CDC42BPA: variants seen among roughly 807,000 people sequenced by gnomAD.
The protein encoded by CDC42BPA is serine/threonine-protein kinase MRCK alpha.
CDC42BPA carries 80 observed loss-of-function variants against 223.5 expected under a neutral mutation model. That is an observed-to-expected ratio of 0.36 (90% CI 0.30 to 0.43). The LOEUF is 0.43. Ranked by LOEUF, CDC42BPA falls within the 20% of genes least tolerant of loss-of-function variation. The pLI, the probability that CDC42BPA is intolerant of heterozygous loss-of-function variation, is 1.00. For synonymous variants in CDC42BPA, 694 were observed against 718.6 expected (o/e 0.97, Z 0.55); for missense variants, 1,743 against 2,099.9 (o/e 0.83, Z 3.32).
chr1:227,102,777 T>G (rs942994674), intron 14 of CDC42BPA, among the ~76,000 whole-genome samples: 5 of 151,748 alleles, frequency 3.3e-5, no homozygotes, highest in Non-Finnish European at 7.4e-5. Context: ...TAATTTAATG[T>G]CAGCAAACTT....
At chr1:227,193,568 A>C (rs1276040465) in intron 5 of CDC42BPA, 2 of 489,594 alleles carry the variant, frequency 4.1e-6, no homozygotes, top group East Asian at 3.4e-5. Flanking sequence ...TAGATACTAT[A>C]CATGTACATG....
intron 1 of CDC42BPA, among the ~76,000 whole-genome samples, chr1:227,288,587 T>C (rs1021198184): frequency 1.3e-5 from 2 of 151,672 alleles, no homozygotes; most frequent in Non-Finnish European, 2.9e-5. Flanking sequence ...TCCCAGCTAT[T>C]GGGGAGGCTG....
chr1:227,199,038 G>A (rs547971002), intron 4 of CDC42BPA, among the ~76,000 whole-genome samples: 28 of 152,220 alleles, frequency 1.8e-4, no homozygotes, highest in South Asian at 6.2e-4. Flanking sequence ...GTGAGCCACC[G>A]CATCCGGCCT....
At chr1:227,129,421 A>G (rs1656519658) in intron 10 of CDC42BPA, among the ~76,000 whole-genome samples, 190 bp from the exon 11 acceptor site, 1 of 152,036 alleles carries the variant, frequency 6.6e-6, no homozygotes, top group African/African-American at 2.4e-5. Flanking sequence ...TAATCCCAGC[A>G]CTTTGGGAGG....
At chr1:227,294,928 TG>T (rs977324686) in intron 1 of CDC42BPA, among the ~76,000 whole-genome samples, 10 of 136,488 alleles carry the variant, frequency 7.3e-5, no homozygotes, top group Non-Finnish European at 1.6e-4. Context: ...TCACATTAAG[TG>T]AAAAAAAAAA....
chr1:227,302,327 GGTTACAGAATT>G (rs1691779367), intron 1 of CDC42BPA, among the ~76,000 whole-genome samples: 1 of 152,112 alleles, frequency 6.6e-6, no homozygotes. Flanking sequence ...GTAGCCCACA[GGTTACAGAATT>G]TTTAACACCT....
chr1:227,174,038 T>C (rs1485424314), intron 5 of CDC42BPA, among the ~76,000 whole-genome samples: 1 of 152,096 alleles, frequency 6.6e-6, no homozygotes, highest in Non-Finnish European at 1.5e-5. Flanking sequence ...AAATTCCTAA[T>C]TGTGCACATC....
chr1:227,084,637 T>C (rs1431052267), intron 16 of CDC42BPA, among the ~76,000 whole-genome samples: 5 of 152,090 alleles, frequency 3.3e-5, no homozygotes, highest in African/African-American at 1.2e-4. Flanking sequence ...TTATTACCAC[T>C]CCTTTCTTCC....
intron 2 of CDC42BPA, among the ~76,000 whole-genome samples, chr1:227,241,323 A>G (rs185817177): frequency 6.6e-6 from 1 of 152,276 alleles, no homozygotes; most frequent in Admixed American, 6.5e-5. Flanking sequence ...ACTGCCTAGC[A>G]TAGCAGTTCC....
At chr1:227,165,401 G>C (rs1043193385) in intron 5 of CDC42BPA, among the ~76,000 whole-genome samples, 16 of 152,112 alleles carry the variant, frequency 1.1e-4, no homozygotes, top group African/African-American at 3.6e-4. Flanking sequence ...TGATGTACTC[G>C]AATACTTGAA....
chr1:227,026,797 G>T (rs1041293084), intron 30 of CDC42BPA, among the ~76,000 whole-genome samples: 1 of 152,158 alleles, frequency 6.6e-6, no homozygotes, highest in Non-Finnish European at 1.5e-5. Flanking sequence ...TTATTCCACT[G>T]ATGAGTATGA....
chr1:227,260,036 GA>G (rs34964140), intron 1 of CDC42BPA, among the ~76,000 whole-genome samples: 23,405 of 117,294 alleles, frequency 0.2, 2,264 homozygotes, highest in East Asian at 0.43. Flanking sequence ...CCATTTTACA[GA>G]AAAAAAAAAA....
At position 227,317,748 on chromosome 1, in the gene CDC42BPA, G is replaced by C. The variant is rs1387936968; in HGVS notation, c.-566C>G. The C allele has an allele frequency of 2.5e-6, 1 of 398,378 alleles. No homozygotes were observed. The highest frequency in any genetic ancestry group is 4.4e-6 in the Non-Finnish European group (1 of 226,084). The allele number at this position is 398,378 out of a possible 1,614,324, so 24.7% of individuals were successfully genotyped here. ...CCACCACTTGGATAATGCATCAGCGGCAATTTCTCCAGCGGGAAAGGGAGG... is the reference window on the plus strand; with the variant it reads ...CCACCACTTGGATAATGCATCAGCGCCAATTTCTCCAGCGGGAAAGGGAGG... On this transcript the variant is annotated 5_prime_UTR_variant, in exon 1 of 37. Transcript: ENST00000366766.
chr1:227,256,158 T>A (rs146028028), intron 1 of CDC42BPA, among the ~76,000 whole-genome samples: 1,659 of 152,340 alleles, frequency 0.011, 32 homozygotes, highest in African/African-American at 0.037. Context: ...AATGAGTTCA[T>A]GTCCTTTGCA....
At chr1:227,209,784 T>A (rs1673534532) in intron 3 of CDC42BPA, among the ~76,000 whole-genome samples, 1 of 150,172 alleles carries the variant, frequency 6.7e-6, no homozygotes, top group Non-Finnish European at 1.5e-5. Flanking sequence ...GATTTTTGCA[T>A]CAATGTTCAT....
intron 1 of CDC42BPA, among the ~76,000 whole-genome samples, chr1:227,282,469 T>C (rs868342855): frequency 2.6e-5 from 4 of 152,226 alleles, no homozygotes; most frequent in Non-Finnish European, 5.9e-5. Context: ...AGGACTGTGA[T>C]AGCAGCTAAG....
chr1:227,293,245 A>G (rs1690007938), intron 1 of CDC42BPA, among the ~76,000 whole-genome samples: 1 of 152,196 alleles, frequency 6.6e-6, no homozygotes, highest in African/African-American at 2.4e-5. Flanking sequence ...TAATAATCAA[A>G]TAATTGCAAA....
In CDC42BPA at chr1:227,191,345, C is replaced by CAAAAAAAAA. The variant is rs71281008; in HGVS notation, c.599+2440_599+2441insTTTTTTTTT. Among the ~76,000 whole-genome samples the CAAAAAAAAA allele has an allele frequency of 8.1e-5, 11 of 136,238 alleles. 1 individual carries two copies. The highest frequency in any genetic ancestry group is 1.3e-4 in the Non-Finnish European group (8 of 63,112). The allele number at this position is 136,238 out of a possible 152,430, so 89.4% of individuals were successfully genotyped here. A position where few individuals can be genotyped will look rare whatever the true frequency, so the allele number is the denominator to read the frequency against. ...GGGCAACAAGAGCAAAACTCTGTCT[C>CAAAAAAAAA]AAAAAAAAGAGAAGAGAAGAAATTC... is the stretch of plus-strand genomic sequence containing the variant. On this transcript the variant is annotated intron_variant, in intron 5 of 36. Transcript: ENST00000366766.
intron 3 of CDC42BPA, among the ~76,000 whole-genome samples, chr1:227,205,946 G>A (rs1475752170): frequency 2.6e-5 from 4 of 152,158 alleles, no homozygotes; most frequent in African/African-American, 9.7e-5. Context: ...CTACTCCCAG[G>A]CTAAGGTGGG....
Sources: gnomAD v4.1 joint callset for allele counts (sites outside exome capture counted in the v4.1 genomes callset) on GRCh38, gnomAD v4.1.1 for gene constraint, MANE v1.5 for transcripts, NCBI Gene and HGNC (gene_info 2026-07-23, HGNC 2026-07-21) for gene names.